TCF4: variants seen among roughly 807,000 people sequenced by gnomAD.
TCF4 encodes the protein transcription factor 4, also known as SL3-3 enhancer factor 2.
TCF4 carries 3 observed loss-of-function variants against 82.1 expected under a neutral mutation model. The ratio of observed to expected loss-of-function variants is 0.04; its 90% CI spans 0.02 to 0.09. TCF4 has a LOEUF of 0.09. Among genes scored for constraint, TCF4 ranks in the 10% least tolerant of loss-of-function variants. The pLI is 1.00. For synonymous variants in TCF4, 276 were observed against 309.6 expected (o/e 0.89, Z 1.14); for missense variants, 518 against 852.7 (o/e 0.61, Z 4.89).
intron 8 of TCF4, among the ~76,000 whole-genome samples, chr18:55,303,123 T>C (rs1011427928): frequency 3.9e-5 from 6 of 151,950 alleles, no homozygotes; most frequent in East Asian, 1.9e-4. Flanking sequence ...AAACTTGCCA[T>C]AGAAATAATG....
At chr18:55,559,180 T>C (rs1568397012) in intron 3 of TCF4, among the ~76,000 whole-genome samples, 1 of 150,506 alleles carries the variant, frequency 6.6e-6, no homozygotes, top group Non-Finnish European at 1.5e-5. Flanking sequence ...TAATTGTAAG[T>C]TAGACTTCTG....
chr18:55,387,137 C>T (rs1455032833), intron 6 of TCF4, among the ~76,000 whole-genome samples: 1 of 152,366 alleles, frequency 6.6e-6, no homozygotes, highest in South Asian at 2.1e-4. Flanking sequence ...ATGGGATCCT[C>T]CCACTTATGG....
At chr18:55,414,313 G>GAAAGA (rs1414567324) in intron 5 of TCF4, among the ~76,000 whole-genome samples, 2 of 150,974 alleles carry the variant, frequency 1.3e-5, no homozygotes. Flanking sequence ...GGGAAAAACT[G>GAAAGA]AAAGAAAAGA....
chr18:55,563,683 C>T (rs887137738), intron 3 of TCF4, among the ~76,000 whole-genome samples: 22 of 152,312 alleles, frequency 1.4e-4, no homozygotes, highest in African/African-American at 3.8e-4. Flanking sequence ...TTCAGTGACT[C>T]GGGGATAACT....
At chr18:55,375,906 T>C (rs1473601598) in intron 6 of TCF4, among the ~76,000 whole-genome samples, 1 of 152,020 alleles carries the variant, frequency 6.6e-6, no homozygotes, top group Non-Finnish European at 1.5e-5. Flanking sequence ...TTCTATGTTA[T>C]AACTAAGGCA....
At chr18:55,392,483 A>C (rs2093209452) in intron 6 of TCF4, among the ~76,000 whole-genome samples, 1 of 147,318 alleles carries the variant, frequency 6.8e-6, no homozygotes, top group African/African-American at 2.5e-5. Context: ...AAAAAAAAAG[A>C]ATATCACTGC....
At chr18:55,480,720 A>G (rs1025967047) in intron 3 of TCF4, among the ~76,000 whole-genome samples, 2 of 152,210 alleles carry the variant, frequency 1.3e-5, no homozygotes, top group South Asian at 4.1e-4. Flanking sequence ...CCTAATACAG[A>G]TGTCACTAAA....
chr18:55,476,889 G>C (rs1001277951), intron 3 of TCF4, among the ~76,000 whole-genome samples: 10 of 152,152 alleles, frequency 6.6e-5, no homozygotes, highest in African/African-American at 2.4e-4. Context: ...CATTGGCAAA[G>C]GTTTCTCTTA....
chr18:55,562,325 C>G (rs1189809481), intron 3 of TCF4, among the ~76,000 whole-genome samples: 3 of 152,132 alleles, frequency 2.0e-5, no homozygotes, highest in Non-Finnish European at 2.9e-5. Context: ...TAAAAAATGT[C>G]CTTTATAGAT....
At chr18:55,430,815 T>C (rs947572583) in intron 5 of TCF4, among the ~76,000 whole-genome samples, 1 of 152,196 alleles carries the variant, frequency 6.6e-6, no homozygotes, top group South Asian at 2.1e-4. Flanking sequence ...AGTAGTTTTT[T>C]GGGAAAGTTG....
intron 15 of TCF4, among the ~76,000 whole-genome samples, chr18:55,236,226 T>C (rs529628707): frequency 6.6e-6 from 1 of 152,200 alleles, no homozygotes; most frequent in Admixed American, 6.5e-5. Flanking sequence ...TAAATGAATG[T>C]TTCAGCAGAG....
intron 6 of TCF4, among the ~76,000 whole-genome samples, chr18:55,363,524 C>A (rs991594763): frequency 6.6e-6 from 1 of 152,178 alleles, no homozygotes; most frequent in African/African-American, 2.4e-5. Flanking sequence ...CATTACCCAG[C>A]TGGGCGTAGT....
chr18:55,405,327 T>C (rs1000462922), intron 5 of TCF4, among the ~76,000 whole-genome samples: 1 of 152,110 alleles, frequency 6.6e-6, no homozygotes, highest in African/African-American at 2.4e-5. Flanking sequence ...GTTTAACAGG[T>C]AGATAGGCAG....
At chr18:55,399,874 TCTCTCTCACA>T (rs1414934336) in intron 6 of TCF4, among the ~76,000 whole-genome samples, 39 of 130,114 alleles carry the variant, frequency 3.0e-4, no homozygotes, top group Middle Eastern at 3.8e-3. Context: ...TCTCTCTCTC[TCTCTCTCACA>T]CACACACACA....
chr18:55,633,374 G>A lies in TCF4; in HGVS notation c.196-1986C>T, dbSNP rs919749178. On this transcript the variant is annotated intron_variant, in intron 1 of 20. Coordinates refer to the TCF4 transcript ENST00000398339. The surrounding 1 kb of genome is among the most constrained non-coding windows in gnomAD (Gnocchi z 4.0). Reference sequence around the variant, plus strand: ...CTGCTTGAGTGTCTTTATGATATGGGGGTTGGCTTCTTCCAGAATTAGTGA... The same window carrying A: ...CTGCTTGAGTGTCTTTATGATATGGAGGTTGGCTTCTTCCAGAATTAGTGA... Among the ~76,000 whole-genome samples the A allele has an allele frequency of 2.6e-5, 4 of 152,088 alleles. No homozygotes were observed. Among genetic ancestry groups the A allele is most frequent in the African/African-American group, 9.7e-5 (4 of 41,396 alleles).
intron 3 of TCF4, among the ~76,000 whole-genome samples, chr18:55,581,502 C>A (rs1371743133): frequency 6.6e-6 from 1 of 151,966 alleles, no homozygotes; most frequent in African/African-American, 2.4e-5. Flanking sequence ...ATGAATTATA[C>A]CATTTACGAT....
intron 8 of TCF4, among the ~76,000 whole-genome samples, chr18:55,305,806 T>A (rs1033633414): frequency 1.3e-5 from 2 of 152,222 alleles, no homozygotes; most frequent in African/African-American, 4.8e-5. Context: ...AAGTGATTCA[T>A]ATGAAATATA....
chr18:55,438,223 A>G (rs1008601882), intron 5 of TCF4, among the ~76,000 whole-genome samples: 2 of 151,486 alleles, frequency 1.3e-5, no homozygotes, highest in African/African-American at 4.9e-5. Context: ...AAAAAAAGTA[A>G]ATGTAGGCTA....
At chr18:55,588,687 G>A (rs2147911004), upstream of TCF4, 3 of 1,333,406 alleles carry the variant, frequency 2.2e-6, no homozygotes, top group South Asian at 2.2e-5. Context: ...ACTTTGCCAA[G>A]AGGAACAATA....
Sources: allele counts gnomAD v4.1 joint callset (sites outside exome capture counted in the v4.1 genomes callset), GRCh38; gene constraint gnomAD v4.1.1; non-coding constraint Gnocchi (gnomAD v3.1); transcripts MANE v1.5; gene names NCBI Gene and HGNC (gene_info 2026-07-23, HGNC 2026-07-21).